GRM8: variants seen among roughly 807,000 people sequenced by gnomAD.
GRM8 encodes glutamate metabotropic receptor 8, also known as metabotropic glutamate receptor 8.
A neutral mutation model predicts 87.2 loss-of-function variants in GRM8; 47 were observed. The ratio of observed to expected loss-of-function variants is 0.54; its 90% CI spans 0.43 to 0.69. GRM8 has a LOEUF of 0.69. Among genes scored for constraint, GRM8 ranks in the 30% least tolerant of loss-of-function variants. The pLI is 0.00. For missense variants in GRM8, 1,019 were observed against 1,139.2 expected, an observed-to-expected ratio of 0.89 and a Z score of 1.52; for synonymous variants, 396 against 404.5, an observed-to-expected ratio of 0.98 and a Z score of 0.25.
intron 7 of GRM8, among the ~76,000 whole-genome samples, chr7:126,620,607 T>C (rs567666445): frequency 1.3e-5 from 2 of 152,284 alleles, no homozygotes; most frequent in African/African-American, 4.8e-5. Flanking sequence ...CTCTACCAAT[T>C]ATCCGTGTGA....
intron 6 of GRM8, among the ~76,000 whole-genome samples, chr7:126,826,058 T>C (rs1438772803): frequency 1.4e-4 from 21 of 152,184 alleles, no homozygotes; most frequent in Admixed American, 1.4e-3. Flanking sequence ...ACTCATCATT[T>C]TTTATGGCTG....
intron 8 of GRM8, among the ~76,000 whole-genome samples, chr7:126,603,012 C>A (rs903423327): frequency 1.2e-4 from 18 of 147,330 alleles, no homozygotes; most frequent in African/African-American, 4.2e-4. Context: ...CCGAATCCAG[C>A]AGCACATCAA....
intron 6 of GRM8, among the ~76,000 whole-genome samples, chr7:126,815,229 T>A (rs947273556): frequency 1.3e-5 from 2 of 152,046 alleles, no homozygotes; most frequent in Non-Finnish European, 2.9e-5. Flanking sequence ...ACACCTCAAG[T>A]CTTTTTGGTA....
intron 6 of GRM8, among the ~76,000 whole-genome samples, chr7:126,883,519 G>C (rs1800204378): frequency 6.6e-6 from 1 of 151,980 alleles, no homozygotes; most frequent in Middle Eastern, 3.2e-3. Context: ...TGTAAAAAAG[G>C]GATATAAGAT....
intron 3 of GRM8, among the ~76,000 whole-genome samples, chr7:126,922,238 C>G (rs1219721201): frequency 6.6e-6 from 1 of 151,906 alleles, no homozygotes; most frequent in Non-Finnish European, 1.5e-5. Context: ...ACTGCAACAT[C>G]AAATGCAGAA....
chr7:126,917,855 C>A (rs13310820), intron 3 of GRM8, among the ~76,000 whole-genome samples: 1 of 152,154 alleles, frequency 6.6e-6, no homozygotes, highest in Non-Finnish European at 1.5e-5. Flanking sequence ...TCAAGTTGGA[C>A]AGAAATTTCA....
intron 7 of GRM8, among the ~76,000 whole-genome samples, chr7:126,640,890 C>T (rs1380189535): frequency 1.3e-5 from 2 of 151,644 alleles, no homozygotes; most frequent in East Asian, 3.9e-4. Context: ...CATATCAAAC[C>T]CAAAATAACT....
intron 2 of GRM8, among the ~76,000 whole-genome samples, chr7:127,231,892 A>C (rs1797707686): frequency 2.6e-5 from 4 of 151,224 alleles, no homozygotes. Context: ...TAAACAATTG[A>C]ATCCTAAGGG....
chr7:126,651,621 C>T (rs1450161363), intron 7 of GRM8, among the ~76,000 whole-genome samples: 1 of 152,142 alleles, frequency 6.6e-6, no homozygotes, highest in Non-Finnish European at 1.5e-5. Context: ...CCAGGAAACA[C>T]AACAATAATT....
chr7:127,105,178 C>T (rs1825693699), intron 3 of GRM8: 1 of 152,016 alleles, frequency 6.6e-6, no homozygotes. Flanking sequence ...GATTTTTACC[C>T]AAGAAGATAA....
intron 2 of GRM8, among the ~76,000 whole-genome samples, chr7:127,222,197 G>A (rs1796976978): frequency 6.6e-6 from 1 of 152,208 alleles, no homozygotes; most frequent in Non-Finnish European, 1.5e-5. Flanking sequence ...CTTGAGGCCA[G>A]GAGTTCAAGG....
chr7:127,014,858 T>G (rs1815245662), intron 3 of GRM8, among the ~76,000 whole-genome samples: 1 of 149,962 alleles, frequency 6.7e-6, no homozygotes, highest in East Asian at 2.0e-4. Context: ...GAAAGTCAGT[T>G]GACGAGTAGC....
intron 9 of GRM8, among the ~76,000 whole-genome samples, chr7:126,532,380 C>T (rs895117041): frequency 7.2e-5 from 11 of 152,096 alleles, no homozygotes; most frequent in South Asian, 2.1e-4. Flanking sequence ...TCAGACTGAA[C>T]GAAGCCATTC....
At chr7:126,950,494 T>C in intron 3 of GRM8, among the ~76,000 whole-genome samples, 1 of 151,322 alleles carries the variant, frequency 6.6e-6, no homozygotes, top group Admixed American at 6.6e-5. Flanking sequence ...TTTATCTATT[T>C]CTCTCTCTCT....
intron 7 of GRM8, among the ~76,000 whole-genome samples, chr7:126,739,959 T>C (rs1325227191): frequency 6.6e-6 from 1 of 152,002 alleles, no homozygotes; most frequent in Non-Finnish European, 1.5e-5. Context: ...GACTATACCA[T>C]CTAGGTTTGT....
chr7:126,841,432 G>A (rs1796260885), intron 6 of GRM8, among the ~76,000 whole-genome samples: 1 of 151,934 alleles, frequency 6.6e-6, no homozygotes, highest in South Asian at 2.1e-4. Flanking sequence ...TCAGAGAGTG[G>A]GGTATCTTTT....
At chr7:126,669,490 C>A (rs1366119869) in intron 7 of GRM8, among the ~76,000 whole-genome samples, 1 of 152,102 alleles carries the variant, frequency 6.6e-6, no homozygotes, top group Non-Finnish European at 1.5e-5. Context: ...AATAAAAACA[C>A]CCCTAAGGAC....
chr7:127,074,303 A>T (rs1012860542), intron 3 of GRM8, among the ~76,000 whole-genome samples: 2 of 152,212 alleles, frequency 1.3e-5, no homozygotes, highest in Non-Finnish European at 2.9e-5. Flanking sequence ...TGAAAATTTA[A>T]TTCCACATAG....
intron 7 of GRM8, among the ~76,000 whole-genome samples, chr7:126,612,677 GTCT>G (rs1295881832): frequency 6.6e-6 from 1 of 152,112 alleles, no homozygotes; most frequent in African/African-American, 2.4e-5. Flanking sequence ...CAAAACTATG[GTCT>G]TCTTAAGAAA....
Sources: gnomAD v4.1 joint callset for allele counts (sites outside exome capture counted in the v4.1 genomes callset) on GRCh38, gnomAD v4.1.1 for gene constraint, MANE v1.5 for transcripts, NCBI Gene and HGNC (gene_info 2026-07-23, HGNC 2026-07-21) for gene names.